AMBRA1: variants seen among roughly 807,000 people sequenced by gnomAD.
AMBRA1 encodes autophagy and beclin 1 regulator 1.
In AMBRA1, 47 loss-of-function variants were observed where a neutral mutation model predicts 125.4. That is an observed-to-expected ratio of 0.37 (90% CI 0.30 to 0.48). The LOEUF is 0.48. Ranked by LOEUF, AMBRA1 falls within the 20% of genes least tolerant of loss-of-function variation. AMBRA1 has a pLI of 0.99. For missense variants in AMBRA1, 1,331 were observed against 1,693.4 expected (o/e 0.79, Z 3.76); for synonymous variants, 626 against 655.5 (o/e 0.95, Z 0.69).
At chr11:46,433,828 T>A (rs1166558891) in intron 13 of AMBRA1, among the ~76,000 whole-genome samples, 200 bp from the exon 14 acceptor site, 1 of 152,086 alleles carries the variant, frequency 6.6e-6, no homozygotes, top group Non-Finnish European at 1.5e-5. Flanking sequence ...AGAAAGCACA[T>A]AATAAGGCTG....
intron 11 of AMBRA1, among the ~76,000 whole-genome samples, chr11:46,452,436 G>A (rs2136794175): frequency 6.6e-6 from 1 of 152,152 alleles, no homozygotes; most frequent in Non-Finnish European, 1.5e-5. Flanking sequence ...TCCTGCCTCA[G>A]ACTTCCCAGT....
intron 16 of AMBRA1, 110 bp downstream of exon 16, chr11:46,410,166 G>C: frequency 1.1e-6 from 1 of 920,560 alleles, no homozygotes; most frequent in South Asian, 1.3e-5. Flanking sequence ...GTGCTGCTCT[G>C]GTTGAGGAGG....
chr11:46,558,310 G>A (rs1021252009), intron 1 of AMBRA1, among the ~76,000 whole-genome samples: 2 of 151,618 alleles, frequency 1.3e-5, no homozygotes, highest in Non-Finnish European at 2.9e-5. Flanking sequence ...CAGCACTTTG[G>A]GAGGCCGAGG....
chr11:46,397,793 C>T lies in AMBRA1; in HGVS notation c.3554G>A (p.Ser1185Asn). ...CTGAGAGCTGCGGTGAATGCGGTGGCTGACGATGATGTTGTTGCCGAAGCC... is the reference window on the plus strand; with the variant it reads ...CTGAGAGCTGCGGTGAATGCGGTGGTTGACGATGATGTTGTTGCCGAAGCC... ...MGGFGNNIIV[S>N]HRIHRSSQTG... The change falls in exon 18 of 18, where the codon AGC becomes AAC. Residue 1185 changes from serine to asparagine, a missense_variant. By Grantham distance (46) the Ser-to-Asn change is conservative (BLOSUM62 1). This residue lies in a region of AMBRA1 where 354 missense variants were observed against 532.7 expected (regional missense o/e 0.66). Transcript: ENST00000683756. 1 of 1,610,116 alleles carries T rather than the reference C, an allele frequency of 6.2e-7. No homozygotes were observed.
At chr11:46,471,872 C>T (rs1368570244) in intron 11 of AMBRA1, among the ~76,000 whole-genome samples, 1 of 152,000 alleles carries the variant, frequency 6.6e-6, no homozygotes. Context: ...ATGATCCACC[C>T]ACCTCGGCCT....
In AMBRA1 at chr11:46,548,271, G is replaced by C; in HGVS notation, c.110C>G (p.Thr37Ser). ...RLLQELVEDK[T>S]RWMKWEGKRV... ...CTTGCCCTCCCATTTCATCCACCGG[G>C]TTTTATCTTCTACCAGCTCCTGCAG... is the stretch of plus-strand genomic sequence containing the variant. The change falls in exon 2 of 18, where the codon ACC (threonine) becomes AGC (serine). Residue 37 changes from threonine to serine, a missense_variant. This residue lies in a region of AMBRA1 where 144 missense variants were observed against 250.4 expected (regional missense o/e 0.58). Transcript: ENST00000683756. The C allele has an allele frequency of 6.2e-7, 1 of 1,614,104 alleles. No individual in the cohort carries two copies. The highest frequency in any genetic ancestry group is 8.5e-7 in the Non-Finnish European group (1 of 1,180,026).
At chr11:46,520,730 G>T (rs1274899490) in intron 7 of AMBRA1, among the ~76,000 whole-genome samples, 2 of 150,990 alleles carry the variant, frequency 1.3e-5, no homozygotes, top group Non-Finnish European at 2.9e-5. Context: ...CGAGTAGCTG[G>T]GACTACAGGC....
intron 16 of AMBRA1, among the ~76,000 whole-genome samples, chr11:46,409,201 C>A (rs770447704): frequency 2.6e-5 from 4 of 151,982 alleles, no homozygotes; most frequent in African/African-American, 4.8e-5. Context: ...AAGGAAAGAA[C>A]TGGAACTCTT....
intron 11 of AMBRA1, among the ~76,000 whole-genome samples, chr11:46,471,146 G>A (rs931778821): frequency 5.3e-5 from 8 of 152,126 alleles, no homozygotes; most frequent in Middle Eastern, 6.3e-3. Context: ...GAGTTTAGAC[G>A]AAATTTGAAT....
chr11:46,466,549 G>A (rs906288158), intron 11 of AMBRA1, among the ~76,000 whole-genome samples: 3 of 152,140 alleles, frequency 2.0e-5, no homozygotes, highest in African/African-American at 7.2e-5. Flanking sequence ...GGATTCAGGG[G>A]TCAAGAGCTA....
At chr11:46,564,229 A>G (rs918495821) in intron 1 of AMBRA1, among the ~76,000 whole-genome samples, 2 of 151,984 alleles carry the variant, frequency 1.3e-5, no homozygotes, top group African/African-American at 2.4e-5. Flanking sequence ...AAAAAAAAAA[A>G]AAAGAGAAAT....
At chr11:46,480,204 T>C (rs1950004852) in intron 11 of AMBRA1, among the ~76,000 whole-genome samples, 1 of 152,190 alleles carries the variant, frequency 6.6e-6, no homozygotes, top group South Asian at 2.1e-4. Flanking sequence ...ATAATCTTAA[T>C]CATAACTGCA....
chr11:46,474,865 T>G (rs1424929977), intron 11 of AMBRA1, among the ~76,000 whole-genome samples: 1 of 151,756 alleles, frequency 6.6e-6, no homozygotes, highest in Non-Finnish European at 1.5e-5. Flanking sequence ...GCCAGAACAG[T>G]GAAAAAAAAC....
At chr11:46,562,800 GTTC>G (rs1317718831) in intron 1 of AMBRA1, among the ~76,000 whole-genome samples, 20 of 138,284 alleles carry the variant, frequency 1.4e-4, no homozygotes, top group Non-Finnish European at 3.0e-4. Flanking sequence ...TGCAACATTG[GTTC>G]TTTTTTTTTT....
At chr11:46,405,845 C>T (rs1945985508) in intron 17 of AMBRA1, among the ~76,000 whole-genome samples, 1 of 151,770 alleles carries the variant, frequency 6.6e-6, no homozygotes, top group Non-Finnish European at 1.5e-5. Flanking sequence ...ATCTTCCTGC[C>T]TCCAGCCTCC....
intron 14 of AMBRA1, 22 bp downstream of exon 14, chr11:46,433,452 A>T: frequency 6.2e-7 from 1 of 1,611,514 alleles, no homozygotes; most frequent in Non-Finnish European, 8.5e-7. Context: ...CATACAGTGA[A>T]GGCACAAGCA....
intron 7 of AMBRA1, among the ~76,000 whole-genome samples, chr11:46,539,864 C>T (rs1253894154): frequency 6.6e-6 from 1 of 152,094 alleles, no homozygotes; most frequent in African/African-American, 2.4e-5. Context: ...TGGAGTCTTG[C>T]TCCATCACCC....
intron 1 of AMBRA1, among the ~76,000 whole-genome samples, chr11:46,569,413 A>G (rs1158976743): frequency 2.9e-5 from 4 of 137,808 alleles, no homozygotes; most frequent in Admixed American, 7.3e-5. Flanking sequence ...TATTATCACT[A>G]TATCACTGAG....
intron 1 of AMBRA1, among the ~76,000 whole-genome samples, chr11:46,560,011 G>A (rs759899558): frequency 1.3e-5 from 2 of 152,078 alleles, no homozygotes; most frequent in Non-Finnish European, 2.9e-5. Context: ...AAGAAGTCTC[G>A]CACCTACAGT....
Sources: gnomAD v4.1 joint callset for allele counts (sites outside exome capture counted in the v4.1 genomes callset) on GRCh38, gnomAD v4.1.1 for gene constraint, gnomAD v4.1.1 regional missense constraint, MANE v1.5 for transcripts, NCBI Gene and HGNC (gene_info 2026-07-23, HGNC 2026-07-21) for gene names.